PRKG1: variants seen among roughly 807,000 people sequenced by gnomAD.
The protein encoded by PRKG1 is protein kinase cGMP-dependent 1.
In PRKG1, 35 loss-of-function variants were observed where a neutral mutation model predicts 88.1. That is an observed-to-expected ratio of 0.40 (90% CI 0.30 to 0.53). The LOEUF is 0.53. Among genes scored for constraint, PRKG1 ranks in the 20% least tolerant of loss-of-function variants. The pLI is 0.59. For missense variants in PRKG1, 540 were observed against 839.8 expected (o/e 0.64, Z 4.41); for synonymous variants, 303 against 292.5 (o/e 1.04, Z -0.37).
At chr10:51,041,477 T>C (rs1315922727) in intron 1 of PRKG1, among the ~76,000 whole-genome samples, 1 of 152,170 alleles carries the variant, frequency 6.6e-6, no homozygotes, top group Non-Finnish European at 1.5e-5. Flanking sequence ...AGGCCCGTGG[T>C]GGGTACAGCC....
chr10:51,261,430 C>T (rs1283113261), intron 2 of PRKG1, among the ~76,000 whole-genome samples: 1 of 152,100 alleles, frequency 6.6e-6, no homozygotes, highest in Admixed American at 6.5e-5. Flanking sequence ...AAAAATGAAC[C>T]CAAATAGTTG....
intron 3 of PRKG1, among the ~76,000 whole-genome samples, chr10:51,693,889 G>GAAA (rs1841214456): frequency 6.6e-6 from 1 of 151,726 alleles, no homozygotes; most frequent in South Asian, 2.1e-4. Context: ...AAAAACAAAC[G>GAAA]AAAATATTTA....
At chr10:52,018,086 C>T (rs975088544) in intron 5 of PRKG1, among the ~76,000 whole-genome samples, 4 of 151,806 alleles carry the variant, frequency 2.6e-5, no homozygotes, top group Non-Finnish European at 5.9e-5. Flanking sequence ...CAGTAGAGAT[C>T]AACTCAGGGG....
chr10:51,780,965 C>T (rs746821648), intron 3 of PRKG1, among the ~76,000 whole-genome samples: 1 of 151,976 alleles, frequency 6.6e-6, no homozygotes, highest in South Asian at 2.1e-4. Context: ...ATCCTTGGAA[C>T]TGCAGAACTT....
chr10:51,626,628 A>G (rs1329090440), intron 3 of PRKG1, among the ~76,000 whole-genome samples: 1 of 152,146 alleles, frequency 6.6e-6, no homozygotes, highest in Non-Finnish European at 1.5e-5. Context: ...TATCTTTTAC[A>G]TAGCAACAAT....
chr10:51,198,276 C>T (rs150321163), intron 2 of PRKG1, among the ~76,000 whole-genome samples: 2 of 152,164 alleles, frequency 1.3e-5, no homozygotes, highest in African/African-American at 4.8e-5. Context: ...TAATAGAACT[C>T]CAGCAGCAGA....
At chr10:51,690,868 G>A (rs1441224888) in intron 3 of PRKG1, among the ~76,000 whole-genome samples, 1 of 140,940 alleles carries the variant, frequency 7.1e-6, no homozygotes, top group Non-Finnish European at 1.5e-5. Flanking sequence ...AGAGGTTGCA[G>A]TGAGCCAAGA....
intron 5 of PRKG1, among the ~76,000 whole-genome samples, chr10:52,042,821 C>T (rs949654915): frequency 6.6e-6 from 1 of 152,084 alleles, no homozygotes; most frequent in Non-Finnish European, 1.5e-5. Flanking sequence ...TCAAATTATA[C>T]ATCCAACTGG....
intron 1 of PRKG1, among the ~76,000 whole-genome samples, chr10:51,139,250 G>A (rs1165070809): frequency 6.6e-6 from 1 of 152,140 alleles, no homozygotes; most frequent in Admixed American, 6.5e-5. Flanking sequence ...TTAAAAACTA[G>A]CACAGTGGAG....
chr10:52,293,897 C>G lies in PRKG1; in HGVS notation c.2058C>G (p.Phe686Leu), dbSNP rs746874890. ...PDDNSGWDID[F>L] ...ACAACTCAGGATGGGATATAGACTTCTAATGTATTTCTCTTACCTGCTTCT... is the reference window on the plus strand; with the variant it reads ...ACAACTCAGGATGGGATATAGACTTGTAATGTATTTCTCTTACCTGCTTCT... Residue 686 changes from phenylalanine (F) to leucine (L), a missense_variant, in exon 18 of 18, where the codon TTC becomes TTG. By Grantham distance (22) the Phe-to-Leu change is conservative (BLOSUM62 0). Coordinates refer to ENST00000373980, the MANE Select transcript of PRKG1 (RefSeq NM_006258.4). The G allele has an allele frequency of 1.2e-6, 2 of 1,607,310 alleles. No homozygotes were observed. The highest frequency in any genetic ancestry group is 1.7e-6 in the Non-Finnish European group (2 of 1,174,426).
At chr10:52,003,380 C>T (rs970577862) in intron 5 of PRKG1, among the ~76,000 whole-genome samples, 2 of 117,390 alleles carry the variant, frequency 1.7e-5, no homozygotes, top group African/African-American at 6.1e-5. Flanking sequence ...TTCCATTCTC[C>T]TTTGCAAATC....
chr10:52,192,207 C>T (rs1839382578), intron 9 of PRKG1, among the ~76,000 whole-genome samples: 1 of 152,070 alleles, frequency 6.6e-6, no homozygotes, highest in Non-Finnish European at 1.5e-5. Context: ...TTGATACAGC[C>T]TGTTAGTTGC....
intron 3 of PRKG1, among the ~76,000 whole-genome samples, chr10:51,642,485 A>G (rs1313090358): frequency 6.6e-6 from 1 of 152,178 alleles, no homozygotes; most frequent in Non-Finnish European, 1.5e-5. Flanking sequence ...GCTATTCAAG[A>G]CATCAGCTTT....
chr10:51,634,193 A>G (rs1387477963), intron 3 of PRKG1, among the ~76,000 whole-genome samples: 1 of 152,158 alleles, frequency 6.6e-6, no homozygotes. Context: ...AGCTTCACAA[A>G]GGAAGTAACA....
chr10:51,543,828 C>G (rs1315600015), intron 3 of PRKG1, among the ~76,000 whole-genome samples: 1 of 152,108 alleles, frequency 6.6e-6, no homozygotes, highest in Non-Finnish European at 1.5e-5. Context: ...TCCTTCAAAT[C>G]AAAGCTGACA....
chr10:51,217,046 C>T (rs1251357150), intron 2 of PRKG1, among the ~76,000 whole-genome samples: 1 of 152,024 alleles, frequency 6.6e-6, no homozygotes, highest in East Asian at 1.9e-4. Flanking sequence ...TGCAGATAGT[C>T]AAATTGAAAA....
intron 9 of PRKG1, among the ~76,000 whole-genome samples, chr10:52,170,383 A>G (rs1282346774): frequency 6.6e-6 from 1 of 152,234 alleles, no homozygotes; most frequent in Non-Finnish European, 1.5e-5. Flanking sequence ...AGAAAATATT[A>G]GAAGTAAACA....
intron 1 of PRKG1, among the ~76,000 whole-genome samples, chr10:51,085,712 T>C (rs969034441): frequency 2.6e-5 from 4 of 152,074 alleles, no homozygotes; most frequent in African/African-American, 9.7e-5. Flanking sequence ...AGGAAAATCT[T>C]TTTACCCCGT....
At chr10:52,102,023 G>A (rs141018455) in intron 7 of PRKG1, among the ~76,000 whole-genome samples, 3 of 152,222 alleles carry the variant, frequency 2.0e-5, no homozygotes, top group African/African-American at 7.2e-5. Context: ...GCCTTCAGGT[G>A]AAGGGAAAAG....
Sources: allele counts gnomAD v4.1 joint callset (sites outside exome capture counted in the v4.1 genomes callset), GRCh38; gene constraint gnomAD v4.1.1; transcripts MANE v1.5; gene names NCBI Gene and HGNC (gene_info 2026-07-23, HGNC 2026-07-21).